Variants in TMTC2 observed in about 807,000 individuals in gnomAD.
TMTC2 encodes the protein protein O-mannosyl-transferase TMTC2.
TMTC2 carries 43 observed loss-of-function variants against 82.4 expected under a neutral mutation model. That is an observed-to-expected ratio of 0.52 (90% confidence interval 0.41 to 0.67). The LOEUF is 0.67. TMTC2 is among the 30% of genes least tolerant of loss of function. The probability of loss-of-function intolerance (pLI) is 0.00; values close to 1 mark genes in which losing one functional copy is unlikely to be tolerated. For synonymous variants in TMTC2, 408 were observed against 381.9 expected (o/e 1.07, Z -0.80); for missense variants, 919 against 1,012.4 (o/e 0.91, Z 1.25).
chr12:83,057,862 G>C (rs775757352), intron 10 of TMTC2, among the ~76,000 whole-genome samples: 34 of 151,792 alleles, frequency 2.2e-4, no homozygotes, highest in Non-Finnish European at 4.7e-4. Flanking sequence ...TAGTTAGAGA[G>C]TTTTACTTCT....
intron 7 of TMTC2, among the ~76,000 whole-genome samples, chr12:82,971,162 A>G (rs1051346208): frequency 9.2e-5 from 14 of 151,868 alleles, no homozygotes; most frequent in Non-Finnish European, 2.1e-4. Context: ...CACTCCCCCA[A>G]ATCTTACAAA....
At chr12:82,801,237 T>G (rs1029199866) in intron 1 of TMTC2, among the ~76,000 whole-genome samples, 2 of 152,046 alleles carry the variant, frequency 1.3e-5, no homozygotes, top group Admixed American at 1.3e-4. Context: ...GTTACAGTTC[T>G]TAAAGGCGGT....
Position 82,946,442 on chromosome 12 carries a change from A to G in TMTC2, c.1598+15897A>G, listed in dbSNP as rs572877073. Among the ~76,000 whole-genome samples the G allele has an allele frequency of 5.3e-5, 8 of 151,910 alleles. No homozygotes were observed. In the South Asian group the frequency reaches 1.7e-3, roughly 32 times the overall value. ...CTTTCTCCCTTCTTCTCTCCCATTT[A>G]CCCCTGCAGAATTAAAGAATACCTA... On this transcript the variant is annotated intron_variant, in intron 4 of 11. Transcript: ENST00000321196.
intron 7 of TMTC2, among the ~76,000 whole-genome samples, chr12:82,985,057 T>G: frequency 6.6e-6 from 1 of 152,064 alleles, no homozygotes; most frequent in East Asian, 1.9e-4. Flanking sequence ...ATTATTTAAT[T>G]AAAATAATTT....
At chr12:82,975,271 T>C (rs1878620435) in intron 7 of TMTC2, among the ~76,000 whole-genome samples, 1 of 152,192 alleles carries the variant, frequency 6.6e-6, no homozygotes, top group Non-Finnish European at 1.5e-5. Context: ...TACTCAAGTC[T>C]GATTTTCCCA....
intron 8 of TMTC2, among the ~76,000 whole-genome samples, chr12:82,995,353 C>CAT (rs397709107): frequency 2.0e-5 from 3 of 151,516 alleles, no homozygotes; most frequent in Admixed American, 6.6e-5. Flanking sequence ...CACACACACA[C>CAT]GCACATAAAC....
chr12:82,739,719 C>T (rs1488984770), intron 1 of TMTC2, among the ~76,000 whole-genome samples: 1 of 150,026 alleles, frequency 6.7e-6, no homozygotes, highest in Non-Finnish European at 1.5e-5. Flanking sequence ...AAAAGGCCAT[C>T]TGTTAGGAAT....
intron 8 of TMTC2, among the ~76,000 whole-genome samples, chr12:83,016,778 C>A (rs1592696075): frequency 6.6e-6 from 1 of 152,274 alleles, no homozygotes; most frequent in East Asian, 1.9e-4. Context: ...GTGTGAATCC[C>A]AGCTCTGCCA....
chr12:82,967,066 G>A (rs557843894), intron 7 of TMTC2, 69 bp downstream of exon 7: 26 of 1,171,560 alleles, frequency 2.2e-5, no homozygotes, highest in African/African-American at 3.1e-5. Flanking sequence ...ACCCATGTTC[G>A]TGTTTAATGG....
rs897947549 is a variant in TMTC2 at position 83,032,399 on chromosome 12, A to G, written c.2152+1520A>G. Among the ~76,000 whole-genome samples the G allele has an allele frequency of 6.0e-5, 9 of 151,208 alleles. No individual in the cohort carries two copies. The East Asian group carries it at 1.7e-3, about 29-fold the overall frequency. The stretch of plus-strand genomic sequence containing the variant: ...AGTTGGCCCCCTTATTAATCTGGTT[A>G]TATCCATCTTCTACTTATAAAAAAA... On this transcript the variant is annotated intron_variant, in intron 9 of 11. Coordinates refer to ENST00000321196, the MANE Select transcript of TMTC2 (RefSeq NM_152588.3).
intron 3 of TMTC2, among the ~76,000 whole-genome samples, chr12:82,911,012 C>T (rs1045522633): frequency 6.6e-6 from 1 of 152,022 alleles, no homozygotes; most frequent in Non-Finnish European, 1.5e-5. Flanking sequence ...TCCCGAGTAG[C>T]TGGGACTACA....
chr12:82,797,461 A>G (rs116632343), intron 1 of TMTC2, among the ~76,000 whole-genome samples: 2,436 of 152,214 alleles, frequency 0.016, 62 homozygotes, highest in African/African-American at 0.055. Flanking sequence ...AGAAATGACC[A>G]TGTAGCAGCA....
chr12:82,942,244 T>C (rs1472093679), intron 4 of TMTC2, among the ~76,000 whole-genome samples: 1 of 152,202 alleles, frequency 6.6e-6, no homozygotes, highest in Non-Finnish European at 1.5e-5. Flanking sequence ...CAAAATACAC[T>C]TCAATAGCTC....
chr12:82,775,841 T>C (rs1877563877), intron 1 of TMTC2, among the ~76,000 whole-genome samples: 1 of 152,058 alleles, frequency 6.6e-6, no homozygotes, highest in Non-Finnish European at 1.5e-5. Flanking sequence ...TTCTGCTCAG[T>C]TTCCTTTTAT....
intron 11 of TMTC2, among the ~76,000 whole-genome samples, chr12:83,116,615 G>T (rs1178142004): frequency 6.6e-6 from 1 of 152,078 alleles, no homozygotes; most frequent in East Asian, 1.9e-4. Context: ...TTGATTTTTT[G>T]ACTATGGCCA....
chr12:83,001,934 G>A lies in TMTC2; in HGVS notation c.2070+15888G>A, dbSNP rs1021847379. Among the ~76,000 whole-genome samples the A allele has an allele frequency of 5.3e-5, 8 of 152,184 alleles. No homozygotes were observed. In the East Asian group the frequency reaches 9.7e-4, roughly 18 times the overall value. On this transcript the variant is annotated intron_variant, in intron 8 of 11. Coordinates refer to ENST00000321196, the MANE Select transcript of TMTC2 (RefSeq NM_152588.3). ...ACAGAGTTTTGAGCATTATTGACTC[G>A]AAGTTTTCTTTTTTGTTGTGTCTCT...
chr12:82,751,540 TAATAA>T (rs538976945), intron 1 of TMTC2, among the ~76,000 whole-genome samples: 34 of 150,602 alleles, frequency 2.3e-4, no homozygotes, highest in African/African-American at 4.6e-4. Context: ...AGTATAATAA[TAATAA>T]AATAAAATAA....
chr12:82,954,697 G>A (rs888675290), intron 4 of TMTC2, among the ~76,000 whole-genome samples: 1 of 152,074 alleles, frequency 6.6e-6, no homozygotes, highest in Non-Finnish European at 1.5e-5. Context: ...ATCCACACTT[G>A]AACCTCTCAG....
At chr12:82,929,583 A>G (rs1427707183) in intron 3 of TMTC2, among the ~76,000 whole-genome samples, 1 of 152,122 alleles carries the variant, frequency 6.6e-6, no homozygotes, top group East Asian at 1.9e-4. Context: ...TAGTCACCCA[A>G]CTAAATATAT....
Sources: allele counts gnomAD v4.1 joint callset (sites outside exome capture counted in the v4.1 genomes callset), GRCh38; gene constraint gnomAD v4.1.1; transcripts MANE v1.5; gene names NCBI Gene and HGNC (gene_info 2026-07-23, HGNC 2026-07-21).